PAGE3: variants seen among roughly 807,000 people sequenced by gnomAD.
PAGE3 encodes the protein P antigen family member 3.
A neutral mutation model predicts 3.8 loss-of-function variants in PAGE3; 9 were observed. The ratio of observed to expected loss-of-function variants is 2.36; its 90% confidence interval spans 1.42 to 4.12. The LOEUF (loss-of-function observed/expected upper bound fraction) is 4.12, where lower values mean the gene tolerates loss of function less well. Ranked by LOEUF, PAGE3 falls within the 30% of genes most tolerant of loss-of-function variation. PAGE3 has a pLI of 0.00. For missense variants in PAGE3, 73 were observed against 37.8 expected (o/e 1.93, Z -2.44); for synonymous variants, 24 against 13.1 (o/e 1.83, Z -1.79).
At chrX:55,258,557 A>AT (rs1382949351) in intron 4 of PAGE3, 29 bp from the exon 5 acceptor site, 1 of 559,010 alleles carries the variant, frequency 1.8e-6, no homozygotes, top group Admixed American at 2.3e-5. Flanking sequence ...AGTTGAGAGT[A>AT]TTTTTTAGCA....
In PAGE3 at chrX:55,261,136, T is replaced by C. The variant is rs750857011; in HGVS notation, c.194-477A>G. 9.8e-5 allele frequency among the ~76,000 whole-genome samples: 11 copies of C among 111,694 alleles called. No individual in the cohort carries two copies. In the South Asian group the frequency reaches 4.1e-3, roughly 42 times the overall value. ...CTGCAAAACAACTGGTCCATTCTCT[T>C]AAAAAATACCAGTGTCATGAAAGAC... On this transcript the variant is annotated intron_variant, in intron 3 of 4. Transcript: ENST00000374951.
At chrX:55,263,420 T>C (rs372285043) in intron 2 of PAGE3, 61 bp from the exon 3 acceptor site, 29 of 490,051 alleles carry the variant, frequency 5.9e-5, no homozygotes, top group African/African-American at 5.9e-4. Flanking sequence ...ATGTCAATAA[T>C]ATACATATAC....
chrX:55,258,519 T>G lies in PAGE3; in HGVS notation c.329A>C (p.Gln110Pro), dbSNP rs1938234219. Residue 110 changes from glutamine to proline, a missense_variant, in exon 5 of 5, where the codon CAA (glutamine) becomes CCA (proline). Transcript: ENST00000374951. ...GCTTGTCTTCATTTAAACCGATGGT[T>G]GCCCTTCACCTATAAGATAAACATA... Reference protein sequence around the residue: ...PVKIPEAGEGQPSV With the variant: ...PVKIPEAGEGPPSV The G allele has an allele frequency of 1.8e-6, 1 of 564,127 alleles. No homozygotes were observed. The highest frequency in any genetic ancestry group is 2.3e-5 in the African/African-American group (1 of 44,370). The allele number at this position is 564,127 out of a possible 1,213,427, so 46.5% of individuals were successfully genotyped here.
intron 4 of PAGE3, 71 bp downstream of exon 4, chrX:55,260,459 ACCTC>A (rs1938268527): frequency 4.2e-6 from 2 of 475,057 alleles, no homozygotes; most frequent in Non-Finnish European, 7.6e-6. Context: ...CAGTAGTGGT[ACCTC>A]TATATTATAA....
At chrX:55,264,270 T>C (rs2146570803) in intron 1 of PAGE3, among the ~76,000 whole-genome samples, 2 of 110,500 alleles carry the variant, frequency 1.8e-5, no homozygotes, top group South Asian at 7.9e-4. Flanking sequence ...ATTTACCCCC[T>C]AAAATCAAGT....
intron 4 of PAGE3, among the ~76,000 whole-genome samples, chrX:55,260,040 G>T (rs989568577): frequency 9.0e-6 from 1 of 111,198 alleles, no homozygotes; most frequent in Admixed American, 9.6e-5. Context: ...TGTGTAAAAC[G>T]TACTTAAGTT....
chrX:55,262,713 T>TATATATATATATATATATGTA (rs1555921366), intron 3 of PAGE3, among the ~76,000 whole-genome samples: 8 of 37,318 alleles, frequency 2.1e-4, no homozygotes, highest in African/African-American at 3.6e-4. Flanking sequence ...GATATATATA[T>TATATATATATATATATATGTA]ATATATATAT....
At chrX:55,260,884 C>A (rs1363907000) in intron 3 of PAGE3, among the ~76,000 whole-genome samples, 1 of 111,238 alleles carries the variant, frequency 9.0e-6, no homozygotes, top group Non-Finnish European at 1.9e-5. Flanking sequence ...ACAACTGCCC[C>A]AGACAGATTA....
rs760913539 is a variant in PAGE3 at position 55,263,376 on chromosome X, G to A, written c.85-17C>T. On this transcript the variant is annotated splice_polypyrimidine_tract_variant and intron_variant, in intron 2 of 4. Coordinates refer to ENST00000374951, the MANE Select transcript of PAGE3 (RefSeq NM_001017931.3). Reference sequence around the variant, plus strand: ...CTCCTGGGCCTAGGAATATGAGTGCGTGTGCAAATAAAAAGGTCTGTTATT... The same window carrying A: ...CTCCTGGGCCTAGGAATATGAGTGCATGTGCAAATAAAAAGGTCTGTTATT... The A allele has an allele frequency of 7.2e-6, 4 of 554,631 alleles. No homozygotes were observed. Among genetic ancestry groups the A allele is most frequent in the South Asian group, 2.4e-5 (1 of 41,493 alleles). 45.7% of individuals were successfully genotyped at this position (554,631 alleles called of 1,213,427 possible).
At chrX:55,263,471 CA>C (rs1938334280) in intron 2 of PAGE3, 112 bp from the exon 3 acceptor site, 3 of 429,624 alleles carry the variant, frequency 7.0e-6, no homozygotes, top group Admixed American at 8.4e-5. Context: ...AGTCTAAAGA[CA>C]TTTTTTTCCT....
At chrX:55,260,891 A>T (rs766520042) in intron 3 of PAGE3, among the ~76,000 whole-genome samples, 5 of 111,493 alleles carry the variant, frequency 4.5e-5, no homozygotes, top group Non-Finnish European at 9.4e-5. Context: ...CCCCAGACAG[A>T]TTAGTTGAAC....
At chrX:55,261,068 GA>G (rs1167765157) in intron 3 of PAGE3, among the ~76,000 whole-genome samples, 4 of 110,650 alleles carry the variant, frequency 3.6e-5, no homozygotes, top group East Asian at 2.8e-4. Flanking sequence ...AGTGTTGAGT[GA>G]AAAAAAAGTA....
rs769345684 is a variant in PAGE3, at chrX:55,263,805, T to C, written c.84+15A>G. On this transcript the variant is annotated intron_variant, in intron 2 of 4. Transcript: ENST00000374951. ...TAAGTTTCTAATAGAAAATATCAAA[T>C]GTTAAAATACTCACAACCACAGCCC... 1.8e-6 allele frequency: 1 copy of C among 555,341 alleles called. No individual in the cohort carries two copies. The allele number at this position is 555,341 out of a possible 1,213,427, so 45.8% of individuals were successfully genotyped here.
chrX:55,262,941 A>G (rs1479447120), intron 3 of PAGE3, among the ~76,000 whole-genome samples: 3 of 108,911 alleles, frequency 2.8e-5, no homozygotes, highest in African/African-American at 1.0e-4. Context: ...AAGGACAGAC[A>G]ATATTCTAAG....
chrX:55,260,456 G>T, intron 4 of PAGE3, 78 bp downstream of exon 4: 1 of 471,524 alleles, frequency 2.1e-6, no homozygotes, highest in Non-Finnish European at 3.8e-6. Context: ...TAGCAGTAGT[G>T]GTACCTCTAT....
At chrX:55,264,010 C>A in intron 1 of PAGE3, 99 bp from the exon 2 acceptor site, 1 of 408,099 alleles carries the variant, frequency 2.5e-6, no homozygotes, top group South Asian at 5.5e-5. Context: ...CACGATTACC[C>A]TGGGACTTAA....
chrX:55,259,333 C>CT (rs1423103434), intron 4 of PAGE3, among the ~76,000 whole-genome samples: 25 of 105,558 alleles, frequency 2.4e-4, no homozygotes, highest in South Asian at 4.1e-4. Flanking sequence ...CAAACAATAG[C>CT]TTTTTTTTTT....
intron 3 of PAGE3, among the ~76,000 whole-genome samples, chrX:55,260,955 AGTCT>A (rs947594962): frequency 4.5e-5 from 5 of 111,935 alleles, no homozygotes; most frequent in African/African-American, 1.6e-4. Context: ...GATTCATTTG[AGTCT>A]GTCTAACTAG....
intron 4 of PAGE3, among the ~76,000 whole-genome samples, chrX:55,259,701 ACCTGTCTTTTATTAAGTATATTTTT>A (rs1418223810): frequency 1.5e-4 from 17 of 110,349 alleles, no homozygotes; most frequent in African/African-American, 5.6e-4. Context: ...AAAGACTTAT[ACCTGTCTTTTATTAAGTATATTTTT>A]CCTTCTCCCT....
Sources: gnomAD v4.1 joint callset for allele counts (sites outside exome capture counted in the v4.1 genomes callset) on GRCh38, gnomAD v4.1.1 for gene constraint, MANE v1.5 for transcripts, NCBI Gene and HGNC (gene_info 2026-07-23, HGNC 2026-07-21) for gene names.